Variants in RBFOX1 observed in about 807,000 individuals in gnomAD.
RBFOX1 encodes RNA binding fox-1 homolog 1, also known as RNA binding protein fox-1 homolog 1.
RBFOX1 carries 8 observed loss-of-function variants against 57.7 expected under a neutral mutation model. That is an observed-to-expected ratio of 0.14 (90% CI 0.08 to 0.25). The LOEUF (loss-of-function observed/expected upper bound fraction) is 0.25, where lower values mean the gene tolerates loss of function less well. RBFOX1 is among the 10% of genes least tolerant of loss of function. The pLI is 1.00. For synonymous variants in RBFOX1, 326 were observed against 222.4 expected (o/e 1.47, Z -4.15); for missense variants, 611 against 548.5 (o/e 1.11, Z -1.14).
intron 3 of RBFOX1, among the ~76,000 whole-genome samples, chr16:5,817,349 C>G (rs1441520962): frequency 6.6e-6 from 1 of 152,200 alleles, no homozygotes; most frequent in Non-Finnish European, 1.5e-5. Context: ...CAAGCAGGTA[C>G]TGATGGATAA....
At chr16:6,490,529 A>C (rs887458469) in intron 2 of RBFOX1, among the ~76,000 whole-genome samples, 2 of 152,214 alleles carry the variant, frequency 1.3e-5, no homozygotes, top group Non-Finnish European at 2.9e-5. Context: ...TACGTTACTT[A>C]AGTGTTAGGC....
At chr16:5,975,733 A>G (rs1371571664) in intron 4 of RBFOX1, among the ~76,000 whole-genome samples, 1 of 152,188 alleles carries the variant, frequency 6.6e-6, no homozygotes, top group Admixed American at 6.5e-5. Context: ...TGGGGTTGCA[A>G]TCTAGGTTCT....
At chr16:7,092,336 T>A (rs114518279) in intron 4 of RBFOX1, among the ~76,000 whole-genome samples, 211 of 152,336 alleles carry the variant, frequency 1.4e-3, no homozygotes, top group African/African-American at 4.7e-3. Context: ...TCAGATACAT[T>A]AAAATGTGAA....
chr16:6,925,714 A>C (rs1046769184), intron 3 of RBFOX1, among the ~76,000 whole-genome samples: 4 of 152,090 alleles, frequency 2.6e-5, no homozygotes, highest in African/African-American at 9.7e-5. Flanking sequence ...TAGTAAATAC[A>C]TCAAAGTTGA....
chr16:7,277,923 A>G (rs1269815624), intron 4 of RBFOX1, among the ~76,000 whole-genome samples: 3 of 151,082 alleles, frequency 2.0e-5, no homozygotes, highest in Non-Finnish European at 4.4e-5. Flanking sequence ...AAGGGTATGA[A>G]AGTCTAGTAG....
chr16:7,345,235 C>G (rs1390412758), intron 4 of RBFOX1, among the ~76,000 whole-genome samples: 1 of 152,160 alleles, frequency 6.6e-6, no homozygotes, highest in Admixed American at 6.5e-5. Flanking sequence ...CAAGCGATGT[C>G]TTCTATTGTT....
At chr16:5,298,608 CTCCCCTCCCCTCCTT>C (rs1482421916) in intron 1 of RBFOX1, among the ~76,000 whole-genome samples, 1 of 16,990 alleles carries the variant, frequency 5.9e-5, no homozygotes. Context: ...CTCCTCTCCC[CTCCCCTCCCCTCCTT>C]TCCCCTCCTT....
intron 1 of RBFOX1, among the ~76,000 whole-genome samples, chr16:6,050,212 G>C (rs2095538730): frequency 6.6e-6 from 1 of 152,090 alleles, no homozygotes; most frequent in Non-Finnish European, 1.5e-5. Context: ...TGCCCACCTT[G>C]GCCTTCCAAA....
At chr16:5,241,462 G>A (rs2062165388) in intron 1 of RBFOX1, among the ~76,000 whole-genome samples, 1 of 152,214 alleles carries the variant, frequency 6.6e-6, no homozygotes, top group African/African-American at 2.4e-5. Flanking sequence ...CCAAAGACCA[G>A]GATACTAGAA....
chr16:6,375,169 G>T (rs1330193169), intron 2 of RBFOX1, among the ~76,000 whole-genome samples: 1 of 152,122 alleles, frequency 6.6e-6, no homozygotes, highest in Non-Finnish European at 1.5e-5. Flanking sequence ...TTGAGGTTCT[G>T]TTGCCAAAAC....
chr16:6,460,335 T>A (rs1020429117), intron 2 of RBFOX1, among the ~76,000 whole-genome samples: 1 of 151,808 alleles, frequency 6.6e-6, no homozygotes, highest in Non-Finnish European at 1.5e-5. Context: ...TGAGAGAAAA[T>A]TTTTGCAATC....
intron 1 of RBFOX1, among the ~76,000 whole-genome samples, chr16:6,142,511 A>C (rs530795573): frequency 6.6e-6 from 1 of 152,056 alleles, no homozygotes. Flanking sequence ...GTGAGCCACC[A>C]TGCCTGGCCA....
At chr16:5,996,218 A>AT (rs1342155846) in intron 4 of RBFOX1, among the ~76,000 whole-genome samples, 2 of 152,112 alleles carry the variant, frequency 1.3e-5, no homozygotes, top group South Asian at 2.1e-4. Flanking sequence ...AACAGTGGTC[A>AT]TTTTCCACGA....
intron 3 of RBFOX1, among the ~76,000 whole-genome samples, chr16:6,794,211 C>G (rs952266496): frequency 6.6e-6 from 1 of 150,998 alleles, no homozygotes; most frequent in African/African-American, 2.4e-5. Flanking sequence ...TGGGAGAAGG[C>G]TTGTGACTTT....
chr16:6,389,384 T>G (rs528019760), intron 2 of RBFOX1, among the ~76,000 whole-genome samples: 1 of 152,362 alleles, frequency 6.6e-6, no homozygotes, highest in Admixed American at 6.5e-5. Flanking sequence ...CTTTCAACAC[T>G]CTTCGATCAT....
chr16:5,914,472 G>T (rs1203782606), intron 4 of RBFOX1, among the ~76,000 whole-genome samples: 2 of 152,208 alleles, frequency 1.3e-5, no homozygotes, highest in Non-Finnish European at 2.9e-5. Flanking sequence ...GCAGATCCTG[G>T]ATCTGCTTGT....
intron 2 of RBFOX1, among the ~76,000 whole-genome samples, chr16:5,565,453 C>T (rs994749637): frequency 6.6e-6 from 1 of 151,934 alleles, no homozygotes; most frequent in African/African-American, 2.4e-5. Context: ...TAGAGAAAGC[C>T]TGTGTCTACT....
At chr16:5,827,726 C>G (rs900855218) in intron 3 of RBFOX1, among the ~76,000 whole-genome samples, 1 of 152,156 alleles carries the variant, frequency 6.6e-6, no homozygotes, top group Non-Finnish European at 1.5e-5. Context: ...TCTAAGTCCC[C>G]TTGCTATAAT....
At chr16:7,685,162 C>T (rs1418937699) in intron 14 of RBFOX1, among the ~76,000 whole-genome samples, 14 of 152,048 alleles carry the variant, frequency 9.2e-5, no homozygotes, top group Non-Finnish European at 1.6e-4. Context: ...GTTTGAGAAG[C>T]CCCACTTTAG....
Sources: allele counts gnomAD v4.1 joint callset (sites outside exome capture counted in the v4.1 genomes callset), GRCh38; gene constraint gnomAD v4.1.1; transcripts MANE v1.5; gene names NCBI Gene and HGNC (gene_info 2026-07-23, HGNC 2026-07-21).